The following IQCH variants were observed in gnomAD, a reference collection of about 807,000 sequenced individuals.
IQCH encodes the protein IQ motif containing H.
In IQCH, 98 loss-of-function variants were observed where a neutral mutation model predicts 117.0. The ratio of observed to expected loss-of-function variants is 0.84; its 90% CI spans 0.71 to 0.99. The LOEUF is 0.99. Ranked by LOEUF, IQCH falls within the 50% of genes least tolerant of loss-of-function variation. IQCH has a pLI of 0.00. For synonymous variants in IQCH, 412 were observed against 448.2 expected (o/e 0.92, Z 1.02); for missense variants, 1,102 against 1,243.8 (o/e 0.89, Z 1.72).
At chr15:67,270,296 C>G (rs1184904830) in intron 3 of IQCH, among the ~76,000 whole-genome samples, 1 of 152,174 alleles carries the variant, frequency 6.6e-6, no homozygotes, top group Non-Finnish European at 1.5e-5. Context: ...TTGTCTTATT[C>G]CAGATCCTAG....
chr15:67,341,996 C>T (rs1969196252), intron 5 of IQCH, among the ~76,000 whole-genome samples: 1 of 151,944 alleles, frequency 6.6e-6, no homozygotes, highest in Non-Finnish European at 1.5e-5. Flanking sequence ...TCACACCTGG[C>T]ACAGTGGCTC....
chr15:67,352,303 G>T (rs1178860133), intron 6 of IQCH, among the ~76,000 whole-genome samples: 1 of 151,198 alleles, frequency 6.6e-6, no homozygotes, highest in Non-Finnish European at 1.5e-5. Context: ...TATTTTAGTT[G>T]TATCTTTTTA....
chr15:67,317,526 A>G (rs1259809277), intron 4 of IQCH, among the ~76,000 whole-genome samples: 1 of 151,978 alleles, frequency 6.6e-6, no homozygotes, highest in African/African-American at 2.4e-5. Context: ...GTCCATGATA[A>G]TGTCTATCCA....
At chr15:67,320,458 T>C (rs542084978) in intron 4 of IQCH, among the ~76,000 whole-genome samples, 14 of 151,962 alleles carry the variant, frequency 9.2e-5, no homozygotes, top group African/African-American at 3.1e-4. Context: ...GTAATAGTCA[T>C]GTAAGTGAAA....
chr15:67,496,818 A>G lies in IQCH; in HGVS notation c.2970+2452A>G, dbSNP rs2083825350. 6.6e-6 allele frequency among the ~76,000 whole-genome samples: 1 copy of G among 151,706 alleles called. No homozygotes were observed. The highest frequency in any genetic ancestry group is 1.5e-5 in the Non-Finnish European group (1 of 67,906). ...TGGATCATGAGGTCAGGAGATCGAG[A>G]CCATCCTGGCTAACAAGGTGAAACC... On this transcript the variant is annotated intron_variant, in intron 20 of 20. Coordinates refer to ENST00000335894, the MANE Select transcript of IQCH (RefSeq NM_001031715.3). This position sits in a 1 kb window ranked among gnomAD's most constrained non-coding sequence, Gnocchi z 4.4.
chr15:67,259,331 A>G (rs1160859690), intron 1 of IQCH, among the ~76,000 whole-genome samples: 1 of 152,230 alleles, frequency 6.6e-6, no homozygotes. Context: ...ACCAAAGCCT[A>G]TATTGATTCA....
In IQCH at chr15:67,500,552, T is replaced by G; in HGVS notation, c.2971-81T>G. On this transcript the variant is annotated intron_variant, in intron 20 of 20. Transcript: ENST00000335894. The surrounding 1 kb of genome is among the most constrained non-coding windows in gnomAD (Gnocchi z 4.4). ...TGAATAGAACTGGTCTAAACCATGG[T>G]GAACTCCCAAAAGGACCAGATGCTT... The G allele has an allele frequency of 1.5e-6, 1 of 663,572 alleles. No homozygotes were observed. Among genetic ancestry groups the G allele is most frequent in the Non-Finnish European group, 2.6e-6 (1 of 383,480 alleles). 41.1% of individuals were successfully genotyped at this position (663,572 alleles called of 1,614,324 possible). A position where few individuals can be genotyped will look rare whatever the true frequency, so the allele number is the denominator to read the frequency against.
chr15:67,308,431 A>G (rs1173366315), intron 4 of IQCH, among the ~76,000 whole-genome samples: 1 of 152,130 alleles, frequency 6.6e-6, no homozygotes, highest in Non-Finnish European at 1.5e-5. Flanking sequence ...TTTTCCCAGG[A>G]GCATTTGGTA....
chr15:67,434,508 A>C (rs555441995), intron 16 of IQCH, among the ~76,000 whole-genome samples: 5 of 152,334 alleles, frequency 3.3e-5, no homozygotes, highest in African/African-American at 1.2e-4. Flanking sequence ...ATCTGTCATC[A>C]ACTGACACTT....
At chr15:67,373,700 C>A in intron 10 of IQCH, 2 of 550,252 alleles carry the variant, frequency 3.6e-6, no homozygotes, top group Non-Finnish European at 6.4e-6. Context: ...ATGAAATGAA[C>A]TAAAAAGTTG....
chr15:67,286,649 G>A (rs35524716), intron 4 of IQCH, among the ~76,000 whole-genome samples: 29,931 of 150,706 alleles, frequency 0.2, 3,940 homozygotes, highest in East Asian at 0.47. Context: ...TCGTTCTGTC[G>A]CCCAGGCTGG....
intron 16 of IQCH, among the ~76,000 whole-genome samples, chr15:67,441,630 G>T (rs1428577476): frequency 6.6e-6 from 1 of 152,086 alleles, no homozygotes; most frequent in African/African-American, 2.4e-5. Flanking sequence ...AAAACATAAA[G>T]TTGGGAAATG....
In IQCH at chr15:67,338,232, TATC is replaced by T. The variant is rs1297891393; in HGVS notation, c.508+1138_508+1140del. 2.2e-3 allele frequency among the ~76,000 whole-genome samples: 325 copies of T among 144,470 alleles called. 1 individual carries two copies. The highest frequency in any genetic ancestry group is 7.8e-3 in the African/African-American group (311 of 39,632). 94.8% of individuals were successfully genotyped at this position (144,470 alleles called of 152,430 possible). On this transcript the variant is annotated intron_variant, in intron 5 of 20. Transcript: ENST00000335894. Reference sequence around the variant, plus strand: ...CTATCTATCTATCTATCTATCTATCTATCTATCTATCTATCTGTCTGCTCTGCT... The same window carrying T: ...CTATCTATCTATCTATCTATCTATCTTATCTATCTATCTGTCTGCTCTGCT...
chr15:67,384,496 T>C lies in IQCH; in HGVS notation c.1373-440T>C, dbSNP rs1170888166. The stretch of plus-strand genomic sequence containing the variant: ...AATACATATTCCTGACAGCAAGGGA[T>C]TTATCTGAAATCTATGTGTCACTTT... On this transcript the variant is annotated intron_variant, in intron 10 of 20. Coordinates refer to ENST00000335894, the MANE Select transcript of IQCH (RefSeq NM_001031715.3). The surrounding 1 kb of genome is among the most constrained non-coding windows in gnomAD (Gnocchi z 4.3). Among the ~76,000 whole-genome samples, 1 of 152,250 alleles carries C rather than the reference T, an allele frequency of 6.6e-6. No homozygotes were observed. Among genetic ancestry groups the C allele is most frequent in the East Asian group, 1.9e-4 (1 of 5,182 alleles).
In IQCH at chr15:67,487,456, AC is replaced by A. The variant is rs1469779116; in HGVS notation, c.2800-2546del. Among the ~76,000 whole-genome samples the A allele has an allele frequency of 4.2e-3, 628 of 151,132 alleles. 7 individuals carry two copies. Among genetic ancestry groups the A allele is most frequent in the African/African-American group, 0.014 (560 of 40,630 alleles). On this transcript the variant is annotated intron_variant, in intron 18 of 20. Transcript: ENST00000335894. Reference sequence around the variant, plus strand: ...CACACACACACACACACACACACACACAACCCTCATTAATATAAGTAATATT... The same window carrying A: ...CACACACACACACACACACACACACAAACCCTCATTAATATAAGTAATATT...
chr15:67,268,081 C>A (rs1216433160), intron 3 of IQCH, among the ~76,000 whole-genome samples: 2 of 152,168 alleles, frequency 1.3e-5, no homozygotes, highest in African/African-American at 2.4e-5. Flanking sequence ...AGGCTCAAGT[C>A]CTAATCAGAT....
chr15:67,450,439 T>C (rs2082495378), intron 16 of IQCH, among the ~76,000 whole-genome samples: 1 of 152,240 alleles, frequency 6.6e-6, no homozygotes, highest in African/African-American at 2.4e-5. Flanking sequence ...TGAAAGGTTG[T>C]TGAATTTTGT....
chr15:67,410,150 T>G (rs2081410930), intron 14 of IQCH, among the ~76,000 whole-genome samples: 1 of 152,208 alleles, frequency 6.6e-6, no homozygotes, highest in African/African-American at 2.4e-5. Context: ...CCATCATGGG[T>G]TGTGGATACA....
Position 67,366,379 on chromosome 15 carries a change from C to T in IQCH, c.754-5732C>T, listed in dbSNP as rs1400765340. Among the ~76,000 whole-genome samples the T allele has an allele frequency of 6.6e-6, 1 of 152,148 alleles. No individual in the cohort carries two copies. Among genetic ancestry groups the T allele is most frequent in the African/African-American group, 2.4e-5 (1 of 41,424 alleles). On this transcript the variant is annotated intron_variant, in intron 8 of 20. Coordinates refer to ENST00000335894, the MANE Select transcript of IQCH (RefSeq NM_001031715.3). This position sits in a 1 kb window ranked among gnomAD's most constrained non-coding sequence, Gnocchi z 4.4. ...AATTTCACATTTGACTGAAAATAGA[C>T]CATCTATTTACAAAATCTTCTTGAT...
Sources: allele counts gnomAD v4.1 joint callset (sites outside exome capture counted in the v4.1 genomes callset), GRCh38; gene constraint gnomAD v4.1.1; non-coding constraint Gnocchi (gnomAD v3.1); transcripts MANE v1.5; gene names NCBI Gene and HGNC (gene_info 2026-07-23, HGNC 2026-07-21).